EBF2: variants seen among roughly 807,000 people sequenced by gnomAD.
EBF2 encodes transcription factor COE2.
A neutral mutation model predicts 72.8 loss-of-function variants in EBF2; 21 were observed. The ratio of observed to expected loss-of-function variants is 0.29; its 90% CI spans 0.20 to 0.42. The LOEUF (loss-of-function observed/expected upper bound fraction) is 0.42. Among genes scored for constraint, EBF2 ranks in the 10% least tolerant of loss-of-function variants. EBF2 has a pLI of 1.00. For missense variants in EBF2, 637 were observed against 731.2 expected, an observed-to-expected ratio of 0.87 and a Z score of 1.49; for synonymous variants, 299 against 274.2, an observed-to-expected ratio of 1.09 and a Z score of -0.89.
At chr8:25,854,238 CA>C (rs372818134) in intron 14 of EBF2, among the ~76,000 whole-genome samples, 7,852 of 137,348 alleles carry the variant, frequency 0.057, 317 homozygotes, top group East Asian at 0.15. Flanking sequence ...CCCCCACCTC[CA>C]AAAAAAAAAA....
chr8:25,982,813 C>G (rs977733855), intron 6 of EBF2, among the ~76,000 whole-genome samples: 1 of 151,996 alleles, frequency 6.6e-6, no homozygotes, highest in Non-Finnish European at 1.5e-5. Context: ...TAAACAGAAA[C>G]ACAAAAGAGT....
intron 7 of EBF2, among the ~76,000 whole-genome samples, chr8:25,895,347 G>T (rs1339614193): frequency 6.6e-6 from 1 of 152,142 alleles, no homozygotes; most frequent in Non-Finnish European, 1.5e-5. Flanking sequence ...TTCGCCTTCT[G>T]CCATTCCCTA....
intron 6 of EBF2, among the ~76,000 whole-genome samples, chr8:25,987,105 G>A (rs1272330247): frequency 1.3e-5 from 2 of 152,192 alleles, no homozygotes; most frequent in Non-Finnish European, 2.9e-5. Flanking sequence ...GGAAGATAAG[G>A]CTAAAGAAGC....
chr8:25,870,871 G>A (rs912504548), intron 10 of EBF2, among the ~76,000 whole-genome samples: 1 of 152,036 alleles, frequency 6.6e-6, no homozygotes, highest in South Asian at 2.1e-4. Context: ...TACATCTCGT[G>A]TGCATCCAAG....
chr8:25,898,100 G>A (rs1165988410), intron 7 of EBF2, among the ~76,000 whole-genome samples: 2 of 152,126 alleles, frequency 1.3e-5, no homozygotes, highest in African/African-American at 2.4e-5. Context: ...GCAAACACTA[G>A]ACATAATCAG....
chr8:25,973,995 T>G (rs1804229472), intron 6 of EBF2, among the ~76,000 whole-genome samples: 1 of 152,218 alleles, frequency 6.6e-6, no homozygotes, highest in Non-Finnish European at 1.5e-5. Flanking sequence ...TTCATTTCTA[T>G]TAGAAAACCT....
At position 25,900,130 on chromosome 8, in the gene EBF2, T is replaced by C. The variant is rs377462584; in HGVS notation, c.633+8344A>G. On this transcript the variant is annotated intron_variant, in intron 7 of 15. Transcript: ENST00000520164. ...CTCAGCACTGAAGGCTTCCCCAGCC[T>C]GACTCCTGGAATGATTTTTCTTTCA... Among the ~76,000 whole-genome samples the C allele has an allele frequency of 6.6e-4, 100 of 152,296 alleles. 1 individual carries two copies. The highest frequency in any genetic ancestry group is 2.3e-3 in the African/African-American group (97 of 41,572).
rs772368515 is a variant in EBF2, at chr8:25,850,813, TCACACATTTGG to T, written c.1529-63_1529-53del. 7.2e-6 allele frequency: 11 copies of T among 1,525,538 alleles called. No individual in the cohort carries two copies. The Admixed American group carries it at 9.7e-5, about 13-fold the overall frequency. The allele number at this position is 1,525,538 out of a possible 1,614,324, so 94.5% of individuals were successfully genotyped here. ...TTAGAAATTAAGATCTTCCTTCAGT[TCACACATTTGG>T]CACACATTTATTGAGAAATTGTTAA... On this transcript the variant is annotated intron_variant, in intron 14 of 15. Coordinates refer to ENST00000520164, the MANE Select transcript of EBF2 (RefSeq NM_022659.4).
At chr8:25,962,860 G>C (rs1160729745) in intron 6 of EBF2, among the ~76,000 whole-genome samples, 1 of 152,166 alleles carries the variant, frequency 6.6e-6, no homozygotes. Context: ...ACATTATGGA[G>C]ACAATTTTCT....
rs754441152 is a variant in EBF2, at chr8:25,858,468, C to A, written c.1379G>T (p.Gly460Val). 1.6e-5 allele frequency: 26 copies of A among 1,613,708 alleles called. No homozygotes were observed. The highest frequency in any genetic ancestry group is 2.7e-5 in the African/African-American group (2 of 74,792). ...TTGAGGCGTGGAGCTGGAAGAGTAT[C>A]CCCGCGGAGAGATGCTGCTTGTGTT... ...IRNTSSISPR[G>V]YSSSSTPQQS... Residue 460 changes from glycine to valine, a missense_variant, in exon 14 of 16, where the codon GGA becomes GTA. By Grantham distance (109) the Gly-to-Val change is moderately radical (BLOSUM62 -3). Around this residue, in one of 3 missense-constraint regions of EBF2, gnomAD observed 259 missense variants for 268.1 expected, o/e 0.97. Transcript: ENST00000520164.
intron 6 of EBF2, among the ~76,000 whole-genome samples, chr8:25,951,361 A>G (rs530773148): frequency 6.6e-6 from 1 of 152,182 alleles, no homozygotes; most frequent in Admixed American, 6.5e-5. Context: ...CAGCTGGGAG[A>G]GCAAAACCAA....
At position 25,843,245 on chromosome 8, in the gene EBF2, T is replaced by A. The variant is rs1450777347; in HGVS notation, c.*1364A>T. On this transcript the variant is annotated 3_prime_UTR_variant, in exon 16 of 16. Transcript: ENST00000520164. ...GAAGAGGGGATTAGGGCTTTTAATA[T>A]CCCTCTCCCACATTCCGTCTCATTC... 1 of 152,140 alleles carries A rather than the reference T, an allele frequency of 6.6e-6. No homozygotes were observed. The highest frequency in any genetic ancestry group is 1.5e-5 in the Non-Finnish European group (1 of 68,028). The allele number at this position is 152,140 out of a possible 1,614,324, so 9.4% of individuals were successfully genotyped here. A position where few individuals can be genotyped will look rare whatever the true frequency, so the allele number is the denominator to read the frequency against.
At chr8:25,893,083 G>C (rs926386726) in intron 7 of EBF2, among the ~76,000 whole-genome samples, 6 of 152,106 alleles carry the variant, frequency 3.9e-5, no homozygotes, top group Non-Finnish European at 4.4e-5. Context: ...CCTCATGGTC[G>C]CAAGGTTAAG....
At chr8:25,964,466 TA>T (rs1804083678) in intron 6 of EBF2, among the ~76,000 whole-genome samples, 1 of 152,002 alleles carries the variant, frequency 6.6e-6, no homozygotes, top group South Asian at 2.1e-4. Flanking sequence ...CACATTTAAT[TA>T]AAAAAAGAAT....
intron 7 of EBF2, among the ~76,000 whole-genome samples, chr8:25,907,419 CAAAAAAAAAAAAAAAAAAA>C (rs55695734): frequency 6.1e-3 from 177 of 28,918 alleles, no homozygotes; most frequent in African/African-American, 0.018. Context: ...GACCCTGCCT[CAAAAAAAAAAAAAAAAAAA>C]AAAAAAAAAA....
intron 6 of EBF2, among the ~76,000 whole-genome samples, chr8:25,934,823 T>G (rs1803547538): frequency 1.3e-5 from 2 of 152,198 alleles, no homozygotes; most frequent in Non-Finnish European, 2.9e-5. Flanking sequence ...GAAAAAATCC[T>G]TATTAATATC....
chr8:25,878,219 G>A (rs72609944), intron 10 of EBF2, among the ~76,000 whole-genome samples: 28,121 of 152,164 alleles, frequency 0.18, 3,368 homozygotes, highest in East Asian at 0.45. Context: ...TTTTCCTCCA[G>A]AACCAGAATG....
At chr8:25,948,024 G>A (rs1803800875) in intron 6 of EBF2, among the ~76,000 whole-genome samples, 1 of 152,156 alleles carries the variant, frequency 6.6e-6, no homozygotes, top group Admixed American at 6.5e-5. Flanking sequence ...GTGTCCTAAG[G>A]CCACGCACGA....
At chr8:25,899,400 C>T (rs181807600) in intron 7 of EBF2, among the ~76,000 whole-genome samples, 25 of 152,200 alleles carry the variant, frequency 1.6e-4, no homozygotes, top group Admixed American at 1.2e-3. Context: ...AGTAGCACTC[C>T]GGATTTCAAA....
Sources: allele counts gnomAD v4.1 joint callset (sites outside exome capture counted in the v4.1 genomes callset), GRCh38; gene constraint gnomAD v4.1.1; regional missense constraint gnomAD v4.1.1; transcripts MANE v1.5; gene names NCBI Gene and HGNC (gene_info 2026-07-23, HGNC 2026-07-21).